The following GRAMD2B variants were observed in gnomAD, a reference collection of about 807,000 sequenced individuals.
The protein encoded by GRAMD2B is GRAM domain-containing protein 2B.
Under a neutral mutation model 59.2 loss-of-function variants are expected in GRAMD2B, and 41 were observed. That is an observed-to-expected ratio of 0.69 (90% CI 0.54 to 0.90). The LOEUF (loss-of-function observed/expected upper bound fraction) is 0.90. Among genes scored for constraint, GRAMD2B ranks in the 40% least tolerant of loss-of-function variants. The pLI is 0.00. For synonymous variants in GRAMD2B, 161 were observed against 182.7 expected (o/e 0.88, Z 0.96); for missense variants, 424 against 500.5 (o/e 0.85, Z 1.46).
In GRAMD2B at chr5:126,442,506, A is replaced by G. The variant is rs112854147; in HGVS notation, c.83+18817A>G. Reference sequence around the variant, plus strand: ...GGGGTTTCACCATGTTGGCCAGGCTAGTCTCAAACTCCCAACCTCAAATGA... The same window carrying G: ...GGGGTTTCACCATGTTGGCCAGGCTGGTCTCAAACTCCCAACCTCAAATGA... On this transcript the variant is annotated intron_variant, in intron 1 of 13. Transcript: ENST00000285689. Among the ~76,000 whole-genome samples, 934 of 152,066 alleles carry G rather than the reference A, an allele frequency of 6.1e-3. 14 individuals are homozygous for G. Among genetic ancestry groups the G allele is most frequent in the African/African-American group, 0.021 (891 of 41,488 alleles).
upstream of GRAMD2B, chr5:126,423,341 A>C (rs1561499188): frequency 3.8e-6 from 5 of 1,308,854 alleles, no homozygotes; most frequent in Non-Finnish European, 4.8e-6. Flanking sequence ...GGGTTGGGGA[A>C]AGAGGCTGTC....
intron 5 of GRAMD2B, among the ~76,000 whole-genome samples, chr5:126,475,216 G>C (rs370129705): frequency 6.6e-6 from 1 of 152,192 alleles, no homozygotes; most frequent in African/African-American, 2.4e-5. Context: ...TAACATGCAT[G>C]TATCACATTC....
At chr5:126,449,988 G>A (rs1047109236) in intron 1 of GRAMD2B, among the ~76,000 whole-genome samples, 2 of 152,130 alleles carry the variant, frequency 1.3e-5, no homozygotes, top group African/African-American at 2.4e-5. Flanking sequence ...TTGGACTCCC[G>A]TAGTAACTTT....
intron 1 of GRAMD2B, among the ~76,000 whole-genome samples, chr5:126,396,655 T>A (rs1757387704): frequency 1.3e-5 from 2 of 152,226 alleles, no homozygotes; most frequent in African/African-American, 2.4e-5. Flanking sequence ...GCATGTATCT[T>A]TGTAATAGAA....
At chr5:126,485,308 G>A (rs112288558) in intron 10 of GRAMD2B, among the ~76,000 whole-genome samples, 2,471 of 152,118 alleles carry the variant, frequency 0.016, 86 homozygotes, top group African/African-American at 0.057. Flanking sequence ...CTGTGATCAC[G>A]CCACTGTCAC....
intron 1 of GRAMD2B, among the ~76,000 whole-genome samples, chr5:126,412,391 G>T (rs555982248): frequency 1.3e-5 from 2 of 152,064 alleles, no homozygotes; most frequent in Admixed American, 6.6e-5. Flanking sequence ...TTTAAATTCC[G>T]TTTGTGTGAT....
intron 1 of GRAMD2B, among the ~76,000 whole-genome samples, chr5:126,449,757 C>T (rs551970450): frequency 1.2e-4 from 18 of 152,276 alleles, no homozygotes; most frequent in South Asian, 4.1e-4. Flanking sequence ...AGAATTTTCA[C>T]GTGTGCTGCT....
At chr5:126,470,818 CAA>C (rs1769421237) in intron 3 of GRAMD2B, among the ~76,000 whole-genome samples, 3 of 152,140 alleles carry the variant, frequency 2.0e-5, no homozygotes, top group Admixed American at 1.3e-4. Flanking sequence ...CTCTGCATCC[CAA>C]AAATGCTGTG....
intron 1 of GRAMD2B, among the ~76,000 whole-genome samples, chr5:126,382,251 G>A (rs1163993160): frequency 2.0e-5 from 3 of 152,160 alleles, no homozygotes; most frequent in Non-Finnish European, 4.4e-5. Flanking sequence ...GCAAGGCCAG[G>A]AAAGTTTTCC....
At chr5:126,413,180 C>T (rs1337340217) in intron 1 of GRAMD2B, among the ~76,000 whole-genome samples, 1 of 151,308 alleles carries the variant, frequency 6.6e-6, no homozygotes, top group Non-Finnish European at 1.5e-5. Context: ...TTCTAGTTTC[C>T]CTGGGGGTGA....
At chr5:126,372,896 AAAATT>A (rs1580682596) in intron 1 of GRAMD2B, among the ~76,000 whole-genome samples, 1 of 152,298 alleles carries the variant, frequency 6.6e-6, no homozygotes, top group East Asian at 1.9e-4. Context: ...AACCAGGAAA[AAAATT>A]AAATTAAATC....
At chr5:126,472,173 G>A in intron 3 of GRAMD2B, 65 bp from the exon 4 acceptor site, 2 of 1,303,954 alleles carry the variant, frequency 1.5e-6, no homozygotes, top group Non-Finnish European at 1.1e-6. Context: ...TGTTGTTGAA[G>A]TTGAATTTGT....
chr5:126,469,319 C>A (rs1167879105), intron 2 of GRAMD2B, among the ~76,000 whole-genome samples: 1 of 152,040 alleles, frequency 6.6e-6, no homozygotes, highest in African/African-American at 2.4e-5. Flanking sequence ...GTATAATAAT[C>A]AAGATTTATT....
chr5:126,416,609 G>A (rs948311373), intron 1 of GRAMD2B, among the ~76,000 whole-genome samples: 14 of 152,206 alleles, frequency 9.2e-5, no homozygotes, highest in South Asian at 2.1e-4. Context: ...CATCTTCTCT[G>A]AGATTCCATC....
At chr5:126,403,741 T>C (rs1414628873) in intron 1 of GRAMD2B, among the ~76,000 whole-genome samples, 1 of 151,930 alleles carries the variant, frequency 6.6e-6, no homozygotes, top group African/African-American at 2.4e-5. Context: ...AACTTATATC[T>C]CCACACACTG....
intron 1 of GRAMD2B, among the ~76,000 whole-genome samples, chr5:126,454,021 T>C (rs990777129): frequency 6.6e-6 from 1 of 152,262 alleles, no homozygotes; most frequent in South Asian, 2.1e-4. Context: ...TAATTGGATT[T>C]GTTCAGAATC....
chr5:126,396,705 G>A (rs1177830402), intron 1 of GRAMD2B, among the ~76,000 whole-genome samples: 1 of 152,232 alleles, frequency 6.6e-6, no homozygotes, highest in East Asian at 1.9e-4. Context: ...GTAATGGATT[G>A]GTAGGTCGAA....
At chr5:126,426,010 T>C (rs1760556175) in intron 1 of GRAMD2B, among the ~76,000 whole-genome samples, 1 of 152,040 alleles carries the variant, frequency 6.6e-6, no homozygotes, top group Non-Finnish European at 1.5e-5. Flanking sequence ...ATTTCAAATG[T>C]CTCACCATAA....
intron 13 of GRAMD2B, chr5:126,490,506 G>C (rs1773729664): frequency 6.6e-6 from 1 of 152,284 alleles, no homozygotes; most frequent in Admixed American, 6.5e-5. Flanking sequence ...GACTACCTTT[G>C]TCTCAAAGCA....
Sources: gnomAD v4.1 joint callset for allele counts (sites outside exome capture counted in the v4.1 genomes callset) on GRCh38, gnomAD v4.1.1 for gene constraint, MANE v1.5 for transcripts, NCBI Gene and HGNC (gene_info 2026-07-23, HGNC 2026-07-21) for gene names.